BMAL1: variants seen among roughly 807,000 people sequenced by gnomAD.
The protein encoded by BMAL1 is basic helix-loop-helix ARNT-like protein 1.
chr11:13,347,193 G>A, the BMAL1 span, among the ~76,000 whole-genome samples: 8 of 151,954 alleles, frequency 5.3e-5, no homozygotes, highest in African/African-American at 1.9e-4. Flanking sequence ...AGGAGTCTGG[G>A]CAGCATAGTG....
At chr11:13,334,719 A>T in the BMAL1 span, among the ~76,000 whole-genome samples, 51 of 152,318 alleles carry the variant, frequency 3.3e-4, no homozygotes, top group African/African-American at 1.2e-3. Context: ...GGGTGGAAGG[A>T]TGTGATGACC....
the BMAL1 span, among the ~76,000 whole-genome samples, chr11:13,324,682 G>A: frequency 6.6e-6 from 1 of 152,148 alleles, no homozygotes; most frequent in South Asian, 2.1e-4. Flanking sequence ...CATGAAGATG[G>A]GACCTGGTCT....
the BMAL1 span, chr11:13,356,375 TGGG>T: frequency 7.2e-5 from 36 of 500,124 alleles, no homozygotes; most frequent in Admixed American, 3.9e-4. Context: ...TCCAGAATGA[TGGG>T]GGGGGAGAAT....
At chr11:13,355,295 A>AT in the BMAL1 span, 1 of 1,613,882 alleles carries the variant, frequency 6.2e-7, no homozygotes, top group African/African-American at 1.3e-5. Flanking sequence ...TATGATTAAT[A>AT]TGTAAGTTAT....
At chr11:13,317,972 G>C in the BMAL1 span, among the ~76,000 whole-genome samples, 1 of 152,224 alleles carries the variant, frequency 6.6e-6, no homozygotes, top group Non-Finnish European at 1.5e-5. Context: ...AAAATGGGTA[G>C]ATTTTTGAAT....
chr11:13,366,538 T>C, the BMAL1 span: 5 of 818,870 alleles, frequency 6.1e-6, no homozygotes, highest in East Asian at 5.1e-5. Context: ...CAGGTTCACA[T>C]AGGAAAAGTT....
At chr11:13,313,299 T>C in the BMAL1 span, among the ~76,000 whole-genome samples, 1 of 152,172 alleles carries the variant, frequency 6.6e-6, no homozygotes, top group Non-Finnish European at 1.5e-5. Flanking sequence ...CTGGTTTGGC[T>C]TGGTCCCTTT....
At chr11:13,385,868 A>C in the BMAL1 span, 7 of 1,071,466 alleles carry the variant, frequency 6.5e-6, no homozygotes, top group Admixed American at 3.9e-5. Flanking sequence ...TAAGAACTGA[A>C]CTGTGTGAAA....
At chr11:13,296,448 G>C in the BMAL1 span, among the ~76,000 whole-genome samples, 2 of 152,162 alleles carry the variant, frequency 1.3e-5, no homozygotes, top group African/African-American at 4.8e-5. Context: ...CATTCATGCT[G>C]TGCTTGAATA....
the BMAL1 span, chr11:13,376,705 A>G: frequency 2.5e-6 from 4 of 1,613,832 alleles, no homozygotes; most frequent in Non-Finnish European, 3.4e-6. Flanking sequence ...CACAGCATGG[A>G]CAGCATGCTG....
At chr11:13,347,295 C>T in the BMAL1 span, among the ~76,000 whole-genome samples, 1 of 151,970 alleles carries the variant, frequency 6.6e-6, no homozygotes, top group South Asian at 2.1e-4. Flanking sequence ...GTGGGAAGAT[C>T]ACTTGAGGCC....
the BMAL1 span, among the ~76,000 whole-genome samples, chr11:13,321,075 T>C: frequency 6.6e-6 from 1 of 152,242 alleles, no homozygotes; most frequent in Non-Finnish European, 1.5e-5. Flanking sequence ...TCTCTTTTTC[T>C]CTTCCCTTTT....
the BMAL1 span, among the ~76,000 whole-genome samples, chr11:13,382,578 G>A: frequency 6.6e-6 from 1 of 151,790 alleles, no homozygotes; most frequent in Non-Finnish European, 1.5e-5. Flanking sequence ...ATACCTCCAG[G>A]TCCTTCCTGC....
At chr11:13,299,971 C>G in the BMAL1 span, among the ~76,000 whole-genome samples, 2 of 152,144 alleles carry the variant, frequency 1.3e-5, no homozygotes, top group Non-Finnish European at 2.9e-5. Flanking sequence ...GAAAGTTGTT[C>G]GCTCATCCAG....
At chr11:13,350,093 C>T in the BMAL1 span, 1 of 152,238 alleles carries the variant, frequency 6.6e-6, no homozygotes, top group South Asian at 2.1e-4. Flanking sequence ...TATCCCCTCC[C>T]TGCCCCCTGT....
chr11:13,328,873 G>A, the BMAL1 span, among the ~76,000 whole-genome samples: 622 of 152,236 alleles, frequency 4.1e-3, 9 homozygotes, highest in African/African-American at 0.014. Flanking sequence ...CAAAACACAC[G>A]CCCTCTCTGA....
the BMAL1 span, among the ~76,000 whole-genome samples, chr11:13,339,873 C>T: frequency 6.6e-6 from 1 of 152,160 alleles, no homozygotes; most frequent in Non-Finnish European, 1.5e-5. Context: ...AGGAGGTGTG[C>T]CAGATGAGGA....
chr11:13,325,585 G>A, the BMAL1 span, among the ~76,000 whole-genome samples: 1 of 151,566 alleles, frequency 6.6e-6, no homozygotes, highest in Non-Finnish European at 1.5e-5. Context: ...TCTCAGGGAG[G>A]CAGACCGGCA....
chr11:13,312,395 G>A, the BMAL1 span, among the ~76,000 whole-genome samples: 1 of 152,124 alleles, frequency 6.6e-6, no homozygotes, highest in African/African-American at 2.4e-5. Flanking sequence ...GAGATAGATC[G>A]AGTCCCTCAG....
Sources: gnomAD v4.1 joint callset for allele counts (sites outside exome capture counted in the v4.1 genomes callset) on GRCh38, gnomAD v4.1.1 for gene constraint, MANE v1.5 for transcripts, NCBI Gene and HGNC (gene_info 2026-07-23, HGNC 2026-07-21) for gene names.